CACNA1C: variants seen among roughly 807,000 people sequenced by gnomAD.
CACNA1C encodes calcium voltage-gated channel subunit alpha1 C, also known as voltage-dependent L-type calcium channel subunit alpha-1C.
Under a neutral mutation model 229.0 loss-of-function variants are expected in CACNA1C, and 30 were observed. The observed-to-expected ratio is 0.13, with a 90% CI of 0.10 to 0.18. CACNA1C has a LOEUF of 0.18. Among genes scored for constraint, CACNA1C ranks in the 10% least tolerant of loss-of-function variants. CACNA1C has a pLI of 1.00. For missense variants in CACNA1C, 1,658 were observed against 2,845.0 expected, an observed-to-expected ratio of 0.58 and a Z score of 9.49; for synonymous variants, 1,114 against 1,132.5, an observed-to-expected ratio of 0.98 and a Z score of 0.33.
At chr12:2,409,190 G>A (rs2098776473) in intron 3 of CACNA1C, among the ~76,000 whole-genome samples, 1 of 152,190 alleles carries the variant, frequency 6.6e-6, no homozygotes, top group Non-Finnish European at 1.5e-5. Context: ...AACACTTCTT[G>A]GATGAAGCAC....
intron 3 of CACNA1C, among the ~76,000 whole-genome samples, chr12:2,372,347 T>C (rs965165323): frequency 6.6e-6 from 1 of 152,228 alleles, no homozygotes; most frequent in African/African-American, 2.4e-5. Flanking sequence ...GAGCTCACTA[T>C]GTCAGTGTGA....
rs2099498985 is a variant in CACNA1C, at chr12:2,461,189, C to CTG, written c.757+3483_757+3484insTG. On this transcript the variant is annotated intron_variant, in intron 5 of 46. Transcript: ENST00000399655. The stretch of plus-strand genomic sequence containing the variant: ...CCAAAACATCTCCTGTCCAGACCAT[C>CTG]AGTGATCACCGTTACCGCACCCAGT... 2.6e-5 allele frequency among the ~76,000 whole-genome samples: 4 copies of CTG among 152,318 alleles called. No individual in the cohort carries two copies. The South Asian group carries it at 8.3e-4, about 32-fold the overall frequency.
rs117227116 is a variant in CACNA1C, at chr12:2,265,431, G to A, written c.477+145001G>A. 4.8e-3 allele frequency among the ~76,000 whole-genome samples: 734 copies of A among 152,304 alleles called. 3 individuals are homozygous for A. The highest frequency in any genetic ancestry group is 6.8e-3 in the Admixed American group (104 of 15,308). On this transcript the variant is annotated intron_variant, in intron 3 of 46. Transcript: ENST00000399655. ...GGGGCAGATGCCCTCTCTATCTGGC[G>A]TTGTGGTTTCCTCTACTTCCACCTT...
Position 2,688,443 on chromosome 12 carries a change from G to A in CACNA1C, c.5785-4G>A, listed in dbSNP as rs763102512. On this transcript the variant is annotated splice_region_variant and splice_polypyrimidine_tract_variant and intron_variant, in intron 45 of 46. Transcript: ENST00000399655. ...ATTAACTCACACTCCTTGTGTGTCC[G>A]CAGGCATTGGCAGTGGCAGGCCTGA... is the stretch of plus-strand genomic sequence containing the variant. 51 of 1,613,466 alleles carry A rather than the reference G, an allele frequency of 3.2e-5. No individual in the cohort carries two copies. Among genetic ancestry groups the A allele is most frequent in the South Asian group, 2.3e-4 (21 of 91,078 alleles).
chr12:2,323,422 G>T (rs1592792289), intron 3 of CACNA1C, among the ~76,000 whole-genome samples: 1 of 152,154 alleles, frequency 6.6e-6, no homozygotes, highest in East Asian at 1.9e-4. Flanking sequence ...GAGGAAGTTG[G>T]GCCTGTTTGT....
In CACNA1C at chr12:2,649,138, C is replaced by G. The variant is rs1233984114; in HGVS notation, c.3945+631C>G. Among the ~76,000 whole-genome samples, 1 of 152,170 alleles carries G rather than the reference C, an allele frequency of 6.6e-6. No individual in the cohort carries two copies. The highest frequency in any genetic ancestry group is 1.5e-5 in the Non-Finnish European group (1 of 68,026). ...TAAAATTAGGCTGCAGCCACTGTTC[C>G]GCAGCAAGCTGGAAGCAGAAAAACA... On this transcript the variant is annotated intron_variant, in intron 31 of 46. Coordinates refer to ENST00000399655, the MANE Select transcript of CACNA1C (RefSeq NM_000719.7). The surrounding 1 kb of genome is among the most constrained non-coding windows in gnomAD (Gnocchi z 4.4).
chr12:2,691,285 C>T lies in CACNA1C; in HGVS notation c.*86C>T. On this transcript the variant is annotated 3_prime_UTR_variant, in exon 47 of 47. Coordinates refer to ENST00000399655, the MANE Select transcript of CACNA1C (RefSeq NM_000719.7). ...CAGAAGTGCCTCACTGTTCTCGTGA[C>T]CTGGAGTTAACCGGAACAGCGTCTT... 7.7e-7 allele frequency: 1 copy of T among 1,298,384 alleles called. No homozygotes were observed. The highest frequency in any genetic ancestry group is 1.0e-6 in the Non-Finnish European group (1 of 976,196). The allele number at this position is 1,298,384 out of a possible 1,614,324, so 80.4% of individuals were successfully genotyped here.
chr12:2,135,575 G>A (rs2093267396), intron 3 of CACNA1C, among the ~76,000 whole-genome samples: 1 of 134,782 alleles, frequency 7.4e-6, no homozygotes, highest in Non-Finnish European at 1.5e-5. Flanking sequence ...TGTGAGAGGT[G>A]TCAGTCTGCC....
chr12:2,490,281 G>A (rs555946911), intron 6 of CACNA1C, among the ~76,000 whole-genome samples: 22 of 152,124 alleles, frequency 1.4e-4, no homozygotes, highest in African/African-American at 4.3e-4. Context: ...TTCCTTTCTC[G>A]AGGACACTCA....
chr12:2,430,705 A>T (rs965029227), intron 3 of CACNA1C, among the ~76,000 whole-genome samples: 2 of 151,764 alleles, frequency 1.3e-5, no homozygotes, highest in African/African-American at 4.8e-5. Context: ...TTACTGGTAT[A>T]CTCCTTCCTG....
upstream of CACNA1C, among the ~76,000 whole-genome samples, chr12:2,052,105 G>A (rs766231634): frequency 5.3e-5 from 8 of 152,192 alleles, no homozygotes; most frequent in South Asian, 8.3e-4. Context: ...AGTGATGGAG[G>A]GAAGTGTTTG....
At chr12:2,499,078 A>G (rs1241193877) in intron 7 of CACNA1C, among the ~76,000 whole-genome samples, 2 of 152,168 alleles carry the variant, frequency 1.3e-5, no homozygotes, top group Non-Finnish European at 2.9e-5. Context: ...GCACTCAATA[A>G]GCAGGTGCAG....
At chr12:2,226,131 A>ATG (rs2062914345) in intron 3 of CACNA1C, among the ~76,000 whole-genome samples, 1 of 31,558 alleles carries the variant, frequency 3.2e-5, no homozygotes, top group African/African-American at 2.1e-4. Context: ...ACGCGCACAC[A>ATG]CACACACACA....
At chr12:2,296,218 C>A (rs934395274) in intron 3 of CACNA1C, among the ~76,000 whole-genome samples, 2 of 152,192 alleles carry the variant, frequency 1.3e-5, no homozygotes, top group Non-Finnish European at 2.9e-5. Context: ...TCACTCTGTT[C>A]TAATGCTTAT....
chr12:2,297,528 G>T (rs909719399), intron 3 of CACNA1C, among the ~76,000 whole-genome samples: 2 of 152,166 alleles, frequency 1.3e-5, no homozygotes, highest in Admixed American at 6.5e-5. Flanking sequence ...AAGGCAAAGG[G>T]AAGAGAGATG....
intron 3 of CACNA1C, among the ~76,000 whole-genome samples, chr12:2,367,378 G>A (rs138906939): frequency 1.0e-3 from 152 of 152,146 alleles, no homozygotes; most frequent in Middle Eastern, 3.4e-3. Context: ...TGGGGACTGG[G>A]GACTCCTGCT....
rs1295351612 is a variant in CACNA1C, at chr12:2,593,218, G to A, written c.2536G>A (p.Glu846Lys). ...PYPNPETTGE[E>K]DEEEPEMPVG... ...TGGTGCTGTTCTTCTTACAGGAGAAGAGGATGAGGAGGAGCCAGAGATGCC... is the reference window on the plus strand; with the variant it reads ...TGGTGCTGTTCTTCTTACAGGAGAAAAGGATGAGGAGGAGCCAGAGATGCC... Residue 846 changes from glutamate to lysine, a missense_variant, in exon 19 of 47, where the codon GAG (glutamate) becomes AAG (lysine). Around this residue, in one of 20 missense-constraint regions of CACNA1C, gnomAD observed 121 missense variants for 128.8 expected, o/e 0.94. Transcript: ENST00000399655. 1.1e-5 allele frequency: 18 copies of A among 1,613,660 alleles called. No individual in the cohort carries two copies. Among genetic ancestry groups the A allele is most frequent in the Non-Finnish European group, 1.5e-5 (18 of 1,179,728 alleles).
chr12:1,983,961 C>T (rs1302461464), intron 1 of CACNA1C, among the ~76,000 whole-genome samples: 2 of 151,928 alleles, frequency 1.3e-5, no homozygotes, highest in African/African-American at 4.8e-5. Context: ...ATGACTTTAT[C>T]CCTATATCAT....
chr12:2,389,808 G>A (rs1324507892), intron 3 of CACNA1C, among the ~76,000 whole-genome samples: 3 of 152,004 alleles, frequency 2.0e-5, no homozygotes, highest in Non-Finnish European at 4.4e-5. Context: ...ACCCACCCTC[G>A]TTCTTCCAAC....
Sources: gnomAD v4.1 joint callset for allele counts (sites outside exome capture counted in the v4.1 genomes callset) on GRCh38, gnomAD v4.1.1 for gene constraint, gnomAD v4.1.1 regional missense constraint, Gnocchi (gnomAD v3.1) non-coding constraint, MANE v1.5 for transcripts, NCBI Gene and HGNC (gene_info 2026-07-23, HGNC 2026-07-21) for gene names.